SRRM4: variants seen among roughly 807,000 people sequenced by gnomAD.
SRRM4 encodes serine/arginine repetitive matrix protein 4.
In SRRM4, 33 loss-of-function variants were observed where a neutral mutation model predicts 68.9. The observed-to-expected ratio is 0.48, with a 90% CI of 0.36 to 0.64. SRRM4 has a LOEUF of 0.64. SRRM4 is among the 30% of genes least tolerant of loss of function. SRRM4 has a pLI of 0.00. For missense variants in SRRM4, 817 were observed against 827.1 expected (o/e 0.99, Z 0.15); for synonymous variants, 318 against 318.8 (o/e 1.00, Z 0.03).
chr12:119,046,036 C>T (rs1233521391), intron 1 of SRRM4, among the ~76,000 whole-genome samples: 1 of 151,298 alleles, frequency 6.6e-6, no homozygotes, highest in Non-Finnish European at 1.5e-5. Flanking sequence ...GATTCCATCT[C>T]AAAATAATAA....
intron 1 of SRRM4, among the ~76,000 whole-genome samples, chr12:119,068,259 A>G (rs1880696): frequency 0.87 from 132,214 of 152,198 alleles, 57,748 homozygotes; most frequent in Middle Eastern, 0.95. Context: ...ACTCAAATGC[A>G]TGGAGAGCAC....
At chr12:119,011,581 A>T (rs1457649689) in intron 1 of SRRM4, among the ~76,000 whole-genome samples, 1 of 152,242 alleles carries the variant, frequency 6.6e-6, no homozygotes, top group African/African-American at 2.4e-5. Flanking sequence ...CCTCAGGACC[A>T]TTAAGACAAC....
chr12:119,077,278 C>T lies in SRRM4; in HGVS notation c.132-24958C>T, dbSNP rs987920359. 1.3e-5 allele frequency among the ~76,000 whole-genome samples: 2 copies of T among 152,120 alleles called. 1 individual carries two copies. The highest frequency in any genetic ancestry group is 1.3e-4 in the Admixed American group (2 of 15,268). On this transcript the variant is annotated intron_variant, in intron 1 of 12. Coordinates refer to ENST00000267260, the MANE Select transcript of SRRM4 (RefSeq NM_194286.4). ...GTGCCTTGCCTTCAAATCCTGGGGT[C>T]TGATGTGGGCCCAGAAGTTTTCATT...
intron 2 of SRRM4, among the ~76,000 whole-genome samples, chr12:119,109,182 G>T (rs1336587546): frequency 6.6e-6 from 1 of 152,206 alleles, no homozygotes; most frequent in East Asian, 1.9e-4. Flanking sequence ...AGTTTCTGCC[G>T]AGAGATCAGC....
Position 119,051,227 on chromosome 12 carries a change from G to T in SRRM4, c.132-51009G>T, listed in dbSNP as rs116170339. Among the ~76,000 whole-genome samples, 565 of 152,324 alleles carry T rather than the reference G, an allele frequency of 3.7e-3. 12 individuals are homozygous for T. Among genetic ancestry groups the T allele is most frequent in the African/African-American group, 0.013 (527 of 41,586 alleles). On this transcript the variant is annotated intron_variant, in intron 1 of 12. Coordinates refer to ENST00000267260, the MANE Select transcript of SRRM4 (RefSeq NM_194286.4). ...TTATCAGCCTCCAGGAGAGCCCAAA[G>T]ATTTCTACCTGAAGCAATGTGCATT...
intron 1 of SRRM4, among the ~76,000 whole-genome samples, chr12:119,084,379 C>T (rs1475363361): frequency 3.9e-5 from 6 of 152,220 alleles, no homozygotes; most frequent in Admixed American, 6.5e-5. Flanking sequence ...TAGAGTCATG[C>T]ACTATTTCTG....
chr12:118,997,605 TG>T (rs1372394880), intron 1 of SRRM4, among the ~76,000 whole-genome samples: 1 of 152,188 alleles, frequency 6.6e-6, no homozygotes, highest in African/African-American at 2.4e-5. Context: ...AAAGGAAACA[TG>T]AAAACACTCT....
intron 2 of SRRM4, among the ~76,000 whole-genome samples, chr12:119,103,270 T>C (rs535039254): frequency 6.6e-4 from 101 of 152,292 alleles, no homozygotes; most frequent in African/African-American, 2.2e-3. Context: ...TTTTAACTTT[T>C]ATTTTAGGTT....
chr12:119,033,187 T>C (rs927527764), intron 1 of SRRM4, among the ~76,000 whole-genome samples: 10 of 152,216 alleles, frequency 6.6e-5, no homozygotes, highest in South Asian at 2.1e-4. Flanking sequence ...CGCTAAAACT[T>C]AGGGCAAATA....
At chr12:119,018,790 T>C (rs901916896) in intron 1 of SRRM4, among the ~76,000 whole-genome samples, 2 of 152,152 alleles carry the variant, frequency 1.3e-5, no homozygotes, top group Non-Finnish European at 2.9e-5. Context: ...ATTTGTTTTG[T>C]TGTAAGTTAG....
Position 119,154,448 on chromosome 12 carries a change from G to T in SRRM4, c.1532+65G>T. On this transcript the variant is annotated intron_variant, in intron 12 of 12. Transcript: ENST00000267260. The surrounding 1 kb of genome is among the most constrained non-coding windows in gnomAD (Gnocchi z 4.7). ...TTCCCACTCCCATTCTTACTCATTCGAGCCTCAGGCTCTCCCTAGGCCTCC... is the reference window on the plus strand; with the variant it reads ...TTCCCACTCCCATTCTTACTCATTCTAGCCTCAGGCTCTCCCTAGGCCTCC... 2 of 1,575,356 alleles carry T rather than the reference G, an allele frequency of 1.3e-6. No homozygotes were observed. Among genetic ancestry groups the T allele is most frequent in the Non-Finnish European group, 1.7e-6 (2 of 1,155,646 alleles).
intron 1 of SRRM4, among the ~76,000 whole-genome samples, chr12:119,084,233 A>ATTT (rs1565904774): frequency 7.2e-5 from 11 of 152,308 alleles, no homozygotes; most frequent in Middle Eastern, 3.4e-3. Flanking sequence ...GGAAGAGAGC[A>ATTT]GGGGAAGAGA....
intron 1 of SRRM4, among the ~76,000 whole-genome samples, chr12:119,056,054 G>A (rs970857961): frequency 1.8e-4 from 28 of 152,168 alleles, no homozygotes; most frequent in African/African-American, 6.3e-4. Context: ...GTACACCCTG[G>A]CTACAATTGC....
rs542729245 is a variant in SRRM4, at chr12:119,004,915, G to T, written c.131+22902G>T. Among the ~76,000 whole-genome samples the T allele has an allele frequency of 2.1e-3, 322 of 150,756 alleles. 1 individual carries two copies. Among genetic ancestry groups the T allele is most frequent in the Non-Finnish European group, 3.1e-3 (208 of 67,686 alleles). On this transcript the variant is annotated intron_variant, in intron 1 of 12. Transcript: ENST00000267260. The stretch of plus-strand genomic sequence containing the variant: ...CCTTTGTTCCCTTGGCGGAACCAAG[G>T]CTCCCCGCTCCACTATTATTTCACT...
intron 1 of SRRM4, among the ~76,000 whole-genome samples, chr12:118,995,193 C>T (rs190119268): frequency 2.9e-4 from 44 of 152,302 alleles, no homozygotes; most frequent in Non-Finnish European, 8.8e-5. Flanking sequence ...TTAATCTGCT[C>T]AACTGCTTTT....
intron 1 of SRRM4, among the ~76,000 whole-genome samples, chr12:119,086,446 C>T (rs1953980320): frequency 6.6e-6 from 1 of 152,188 alleles, no homozygotes; most frequent in South Asian, 2.1e-4. Context: ...CTTCACCCCA[C>T]CAGCCAAATA....
chr12:118,984,591 A>G (rs1953271029), intron 1 of SRRM4, among the ~76,000 whole-genome samples: 1 of 152,210 alleles, frequency 6.6e-6, no homozygotes, highest in South Asian at 2.1e-4. Context: ...TTTTAAGTCT[A>G]TCTCTCAAGG....
intron 1 of SRRM4, among the ~76,000 whole-genome samples, chr12:119,056,143 C>T (rs1953774843): frequency 6.6e-6 from 1 of 152,210 alleles, no homozygotes; most frequent in Admixed American, 6.5e-5. Context: ...CCCAGAATAG[C>T]CATGTACATC....
intron 1 of SRRM4, among the ~76,000 whole-genome samples, chr12:119,005,097 G>A (rs1953408044): frequency 6.6e-6 from 1 of 152,230 alleles, no homozygotes; most frequent in African/African-American, 2.4e-5. Flanking sequence ...CTCACTGTAG[G>A]CCCCTAAACT....
Sources: allele counts gnomAD v4.1 joint callset (sites outside exome capture counted in the v4.1 genomes callset), GRCh38; gene constraint gnomAD v4.1.1; non-coding constraint Gnocchi (gnomAD v3.1); transcripts MANE v1.5; gene names NCBI Gene and HGNC (gene_info 2026-07-23, HGNC 2026-07-21).